Variants in STX8 observed in about 807,000 individuals in gnomAD.
STX8 encodes the protein syntaxin-8.
A neutral mutation model predicts 37.5 loss-of-function variants in STX8; 23 were observed. The ratio of observed to expected loss-of-function variants is 0.61; its 90% CI spans 0.44 to 0.87. The LOEUF is 0.87. Ranked by LOEUF, STX8 falls within the 40% of genes least tolerant of loss-of-function variation. STX8 has a pLI of 0.00. For missense variants in STX8, 313 were observed against 284.7 expected, an observed-to-expected ratio of 1.10 and a Z score of -0.71; for synonymous variants, 115 against 99.1, an observed-to-expected ratio of 1.16 and a Z score of -0.95.
chr17:9,376,037 A>G (rs1911569469), intron 7 of STX8, among the ~76,000 whole-genome samples: 1 of 152,130 alleles, frequency 6.6e-6, no homozygotes, highest in Admixed American at 6.6e-5. Flanking sequence ...CTGAATTTTG[A>G]TAACCAAATT....
intron 7 of STX8, among the ~76,000 whole-genome samples, chr17:9,279,010 G>A (rs1368172665): frequency 4.6e-5 from 7 of 151,776 alleles, no homozygotes; most frequent in Non-Finnish European, 1.0e-4. Flanking sequence ...TCATCACACT[G>A]TAAACTGGTG....
chr17:9,298,700 T>C (rs1328904137), intron 7 of STX8, among the ~76,000 whole-genome samples: 2 of 152,074 alleles, frequency 1.3e-5, no homozygotes, highest in Non-Finnish European at 2.9e-5. Flanking sequence ...TAATCCCAGC[T>C]ACTCAGGAGA....
intron 7 of STX8, among the ~76,000 whole-genome samples, chr17:9,312,711 T>C (rs1457010280): frequency 6.6e-6 from 1 of 152,086 alleles, no homozygotes. Context: ...TGAGTGGAGT[T>C]AGAAAGTGGA....
At chr17:9,420,555 C>T (rs1281049612) in intron 6 of STX8, among the ~76,000 whole-genome samples, 3 of 152,274 alleles carry the variant, frequency 2.0e-5, no homozygotes, top group Admixed American at 6.5e-5. Flanking sequence ...AGTCCATAGA[C>T]ATGCTCCAAC....
intron 6 of STX8, among the ~76,000 whole-genome samples, chr17:9,487,497 CT>C (rs1024061530): frequency 6.6e-6 from 1 of 152,026 alleles, no homozygotes; most frequent in African/African-American, 2.4e-5. Context: ...CAGGGATATA[CT>C]TTTTTATCCT....
intron 6 of STX8, among the ~76,000 whole-genome samples, chr17:9,473,406 G>C (rs1167330998): frequency 1.3e-5 from 2 of 152,060 alleles, no homozygotes; most frequent in African/African-American, 2.4e-5. Context: ...TCATCCCTTG[G>C]TATCTTGCGG....
intron 6 of STX8, among the ~76,000 whole-genome samples, chr17:9,430,281 T>C (rs994696264): frequency 1.4e-5 from 2 of 145,054 alleles, no homozygotes; most frequent in Non-Finnish European, 3.0e-5. Flanking sequence ...TGGCATTAAT[T>C]ACACTAACAG....
chr17:9,457,650 C>T (rs1406988855), intron 6 of STX8, among the ~76,000 whole-genome samples: 1 of 152,270 alleles, frequency 6.6e-6, no homozygotes, highest in Non-Finnish European at 1.5e-5. Context: ...CTGTGCTCTT[C>T]CAGCCTCAAT....
At chr17:9,517,788 T>TTAAAA (rs1905196762) in intron 4 of STX8, among the ~76,000 whole-genome samples, 1 of 98,734 alleles carries the variant, frequency 1.0e-5, no homozygotes, top group South Asian at 4.0e-4. Flanking sequence ...ACCCCTATTG[T>TTAAAA]AAAAAAAAAA....
At position 9,507,623 on chromosome 17, in the gene STX8, T is replaced by G. The variant is rs1368393804; in HGVS notation, c.324-2461A>C. ...GACTGGCCAAGCAACCAAGCAACTG[T>G]GCCCTCAGCCAGAGTAAGGGCACCA... On this transcript the variant is annotated intron_variant, in intron 4 of 7. Transcript: ENST00000306357. This position sits in a 1 kb window ranked among gnomAD's most constrained non-coding sequence, Gnocchi z 4.0. Among the ~76,000 whole-genome samples the G allele has an allele frequency of 6.6e-6, 1 of 152,182 alleles. No individual in the cohort carries two copies. The highest frequency in any genetic ancestry group is 1.9e-4 in the East Asian group (1 of 5,192).
intron 4 of STX8, among the ~76,000 whole-genome samples, chr17:9,534,939 G>C (rs1225667278): frequency 6.6e-6 from 1 of 152,126 alleles, no homozygotes; most frequent in Non-Finnish European, 1.5e-5. Context: ...TCCAGAAATA[G>C]ATCAAAATAC....
intron 6 of STX8, among the ~76,000 whole-genome samples, chr17:9,401,725 G>A (rs541086182): frequency 7.2e-5 from 11 of 152,178 alleles, no homozygotes; most frequent in Admixed American, 5.9e-4. Context: ...GATCTCTGAC[G>A]AAGCCCAGAT....
rs145857925 is a variant in STX8, at chr17:9,361,447, G to A, written c.643+17105C>T. Among the ~76,000 whole-genome samples the A allele has an allele frequency of 3.9e-3, 590 of 152,308 alleles. 5 individuals are homozygous for A. The highest frequency in any genetic ancestry group is 0.013 in the African/African-American group (561 of 41,560). On this transcript the variant is annotated intron_variant, in intron 7 of 7. Coordinates refer to ENST00000306357, the MANE Select transcript of STX8 (RefSeq NM_004853.3). ...AGGGCAGAGTCTCTGGACTGCAGGC[G>A]TTGCTTTGCAGTTGAGCTGCTCTCT...
chr17:9,429,307 A>T (rs1913756090), intron 6 of STX8, among the ~76,000 whole-genome samples: 1 of 146,086 alleles, frequency 6.8e-6, no homozygotes. Flanking sequence ...TAAATACATT[A>T]TTTATATATT....
At chr17:9,255,765 A>G (rs1168173549) in intron 7 of STX8, among the ~76,000 whole-genome samples, 1 of 152,184 alleles carries the variant, frequency 6.6e-6, no homozygotes, top group African/African-American at 2.4e-5. Context: ...GTAAACTGGT[A>G]TATACTGAGG....
intron 3 of STX8, among the ~76,000 whole-genome samples, chr17:9,546,601 T>TTTTG (rs1555536198): frequency 7.8e-6 from 1 of 128,266 alleles, no homozygotes; most frequent in Non-Finnish European, 1.6e-5. Context: ...GTTTTTTTTT[T>TTTTG]TTTTTTTTTT....
intron 2 of STX8, among the ~76,000 whole-genome samples, chr17:9,564,354 AAGAG>A (rs544207143): frequency 1.6e-4 from 25 of 152,118 alleles, no homozygotes; most frequent in African/African-American, 5.5e-4. Context: ...AAAGAAAAGA[AAGAG>A]AGAGAGGAAG....
Position 9,300,830 on chromosome 17 carries a change from C to CTTTT in STX8, c.644-50189_644-50186dup, listed in dbSNP as rs1164799565. Among the ~76,000 whole-genome samples the CTTTT allele has an allele frequency of 2.2e-3, 202 of 90,890 alleles. 3 individuals are homozygous for CTTTT. Among genetic ancestry groups the CTTTT allele is most frequent in the African/African-American group, 4.7e-3 (114 of 24,108 alleles). The allele number at this position is 90,890 out of a possible 152,430, so 59.6% of individuals were successfully genotyped here. A position where few individuals can be genotyped will look rare whatever the true frequency, so the allele number is the denominator to read the frequency against. ...TGAGATGGGACATTCTTATTTTGTTCTTTTTTTTTTTTTTTTTTTTTTGAG... is the reference window on the plus strand; with the variant it reads ...TGAGATGGGACATTCTTATTTTGTTCTTTTTTTTTTTTTTTTTTTTTTTTTTGAG... On this transcript the variant is annotated intron_variant, in intron 7 of 7. Coordinates refer to ENST00000306357, the MANE Select transcript of STX8 (RefSeq NM_004853.3).
intron 7 of STX8, among the ~76,000 whole-genome samples, chr17:9,287,999 C>T (rs1341155216): frequency 8.7e-5 from 13 of 148,900 alleles, no homozygotes; most frequent in East Asian, 4.1e-4. Flanking sequence ...CCACCCGCCT[C>T]GGCTTCCCAA....
Sources: allele counts gnomAD v4.1 joint callset (sites outside exome capture counted in the v4.1 genomes callset), GRCh38; gene constraint gnomAD v4.1.1; non-coding constraint Gnocchi (gnomAD v3.1); transcripts MANE v1.5; gene names NCBI Gene and HGNC (gene_info 2026-07-23, HGNC 2026-07-21).